The following THSD4 variants were observed in gnomAD, a reference collection of about 807,000 sequenced individuals.
THSD4 encodes the protein thrombospondin type-1 domain-containing protein 4.
In THSD4, 69 loss-of-function variants were observed where a neutral mutation model predicts 119.0. The ratio of observed to expected loss-of-function variants is 0.58; its 90% CI spans 0.48 to 0.71. The LOEUF (loss-of-function observed/expected upper bound fraction) is 0.71, where lower values mean the gene tolerates loss of function less well. Ranked by LOEUF, THSD4 falls within the 30% of genes least tolerant of loss-of-function variation. The probability of loss-of-function intolerance (pLI) is 0.00; values close to 1 mark genes in which losing one functional copy is unlikely to be tolerated. For synonymous variants in THSD4, 524 were observed against 540.4 expected (o/e 0.97, Z 0.42); for missense variants, 1,393 against 1,391.1 (o/e 1.00, Z -0.02).
chr15:71,262,499 G>A (rs979458046), intron 6 of THSD4, among the ~76,000 whole-genome samples: 16 of 152,142 alleles, frequency 1.1e-4, no homozygotes, highest in African/African-American at 2.9e-4. Context: ...TCATGCCAAG[G>A]GTAATGGGGC....
intron 7 of THSD4, among the ~76,000 whole-genome samples, chr15:71,553,779 G>T (rs2048970975): frequency 6.6e-6 from 1 of 152,098 alleles, no homozygotes; most frequent in Non-Finnish European, 1.5e-5. Flanking sequence ...TTATCAAAAT[G>T]CTCATATGAG....
intron 4 of THSD4, 63 bp downstream of exon 4, chr15:71,215,462 G>GCCCCTGTCCCTT: frequency 7.0e-7 from 1 of 1,423,242 alleles, no homozygotes; most frequent in Non-Finnish European, 9.3e-7. Context: ...CCCTGTCCCT[G>GCCCCTGTCCCTT]CCCCTGCCTC....
At position 71,326,386 on chromosome 15, in the gene THSD4, AGTG is replaced by A. The variant is rs572035152; in HGVS notation, c.1015+69679_1015+69681del. Among the ~76,000 whole-genome samples, 867 of 151,818 alleles carry A rather than the reference AGTG, an allele frequency of 5.7e-3. 2 individuals are homozygous for A. Among genetic ancestry groups the A allele is most frequent in the Middle Eastern group, 0.01 (3 of 294 alleles). On this transcript the variant is annotated intron_variant, in intron 6 of 17. Coordinates refer to ENST00000261862, the MANE Select transcript of THSD4 (RefSeq NM_024817.3). ...TAGTGGTGGTGATGATAACGGTGAT[AGTG>A]GTGGTGGCCGGGCAGGGTGGCTCAT...
At chr15:71,460,261 A>T (rs925642454) in intron 7 of THSD4, among the ~76,000 whole-genome samples, 3 of 152,034 alleles carry the variant, frequency 2.0e-5, no homozygotes, top group Admixed American at 2.0e-4. Flanking sequence ...ATTCATAAAA[A>T]TATAGGTAGA....
chr15:71,423,854 A>G lies in THSD4; in HGVS notation c.1152+12031A>G, dbSNP rs570070349. On this transcript the variant is annotated intron_variant, in intron 7 of 17. Coordinates refer to ENST00000261862, the MANE Select transcript of THSD4 (RefSeq NM_024817.3). Reference sequence around the variant, plus strand: ...AAGCCTTGCCATAACTCAAGTTCCAACCACTGGGATGGATGAGTGCCCTTT... The same window carrying G: ...AAGCCTTGCCATAACTCAAGTTCCAGCCACTGGGATGGATGAGTGCCCTTT... Among the ~76,000 whole-genome samples the G allele has an allele frequency of 4.6e-5, 7 of 152,246 alleles. No individual in the cohort carries two copies. The South Asian group carries it at 8.3e-4, about 18-fold the overall frequency.
At chr15:71,215,714 G>A (rs987878166) in intron 4 of THSD4, among the ~76,000 whole-genome samples, 2 of 152,204 alleles carry the variant, frequency 1.3e-5, no homozygotes, top group African/African-American at 2.4e-5. Flanking sequence ...GGAGGGGAGT[G>A]CTGTCCGGGT....
chr15:71,608,047 C>A (rs893452311), intron 7 of THSD4, among the ~76,000 whole-genome samples: 1 of 151,776 alleles, frequency 6.6e-6, no homozygotes, highest in African/African-American at 2.4e-5. Flanking sequence ...CGTGGTGAAA[C>A]CCTGTCTCTA....
intron 2 of THSD4, among the ~76,000 whole-genome samples, chr15:71,146,396 G>A (rs542352266): frequency 6.6e-6 from 1 of 150,420 alleles, no homozygotes; most frequent in East Asian, 2.0e-4. Flanking sequence ...TATTATTTTT[G>A]CCCCTAATCA....
At chr15:71,158,353 A>G (rs2043220530) in intron 3 of THSD4, among the ~76,000 whole-genome samples, 1 of 151,934 alleles carries the variant, frequency 6.6e-6, no homozygotes, top group South Asian at 2.1e-4. Flanking sequence ...GGGTTTCTCC[A>G]TGTTGATCAG....
intron 6 of THSD4, among the ~76,000 whole-genome samples, chr15:71,365,131 TTGTGTGTGTGTGTGTGTGTG>T (rs10690804): frequency 7.4e-6 from 1 of 135,824 alleles, no homozygotes; most frequent in Non-Finnish European, 1.6e-5. Context: ...GCCCCCCCCA[TTGTGTGTGTGTGTGTGTGTG>T]TGTGTGTGTG....
At chr15:71,458,772 T>C (rs1299179790) in intron 7 of THSD4, among the ~76,000 whole-genome samples, 1 of 152,222 alleles carries the variant, frequency 6.6e-6, no homozygotes, top group Non-Finnish European at 1.5e-5. Context: ...TTAGATGTTA[T>C]TGGAGAAAGC....
Position 71,716,693 on chromosome 15 carries a change from G to A in THSD4, c.1358-11856G>A, listed in dbSNP as rs182605752. 3.6e-3 allele frequency among the ~76,000 whole-genome samples: 546 copies of A among 151,806 alleles called. 3 individuals carry two copies. The highest frequency in any genetic ancestry group is 0.013 in the African/African-American group (529 of 41,412). On this transcript the variant is annotated intron_variant, in intron 8 of 17. Transcript: ENST00000261862. ...GTGGGCTGTTATCCTGCCCAGCCAC[G>A]GTGCACACCTGACCGCACACTATCA...
At position 71,215,267 on chromosome 15, in the gene THSD4, C is replaced by T. The variant is rs1344055135; in HGVS notation, c.332C>T (p.Ser111Leu). Residue 111 changes from serine (S) to leucine (L), a missense_variant, in exon 4 of 18, where the codon TCG (serine) becomes TTG (leucine). Transcript: ENST00000261862. Reference sequence around the variant, plus strand: ...CACGTGGTGTCGGCGGTGCGCACGTCGGTGCCACTGCACCGGAGCCGCGAC... The same window carrying T: ...CACGTGGTGTCGGCGGTGCGCACGTTGGTGCCACTGCACCGGAGCCGCGAC... ...ADHVVSAVRTSVPLHRSRDET... is the reference protein window; with the variant it reads ...ADHVVSAVRTLVPLHRSRDET... 18 of 1,508,322 alleles carry T rather than the reference C, an allele frequency of 1.2e-5. No individual in the cohort carries two copies. The highest frequency in any genetic ancestry group is 4.9e-5 in the South Asian group (4 of 82,112). 93.4% of individuals were successfully genotyped at this position (1,508,322 alleles called of 1,614,324 possible).
At chr15:71,345,620 T>C (rs2045645141) in intron 6 of THSD4, among the ~76,000 whole-genome samples, 1 of 152,056 alleles carries the variant, frequency 6.6e-6, no homozygotes, top group Non-Finnish European at 1.5e-5. Context: ...ATTTGCAAAA[T>C]AATTGTGACA....
At chr15:71,456,089 C>T (rs1394813724) in intron 7 of THSD4, among the ~76,000 whole-genome samples, 7 of 152,154 alleles carry the variant, frequency 4.6e-5, no homozygotes, top group South Asian at 2.1e-4. Flanking sequence ...AGTTATTTTG[C>T]GGTGTTTGCT....
rs551259348 is a variant in THSD4, at chr15:71,173,480, A to C, written c.99+18548A>C. Among the ~76,000 whole-genome samples the C allele has an allele frequency of 7.9e-5, 12 of 151,936 alleles. No individual in the cohort carries two copies. The East Asian group carries it at 2.1e-3, about 27-fold the overall frequency. On this transcript the variant is annotated intron_variant, in intron 3 of 17. Transcript: ENST00000261862. ...CCTATGGATTCAATGCAATTCCTAT[A>C]AAAATCCCAGTTGTTATTGGTGTAA... is the stretch of plus-strand genomic sequence containing the variant.
chr15:71,620,827 C>G (rs376550484), intron 7 of THSD4, among the ~76,000 whole-genome samples: 11 of 152,078 alleles, frequency 7.2e-5, no homozygotes, highest in African/African-American at 2.7e-4. Context: ...CATGTCTTAA[C>G]TCTCAGGTGG....
At position 71,630,316 on chromosome 15, in the gene THSD4, G is replaced by A. The variant is rs568917202; in HGVS notation, c.1153-30214G>A. ...CAGAGCTCTGCTCTGTCTCGTCACG[G>A]CACTGCCTTTGATCTTTAATTTGAG... On this transcript the variant is annotated intron_variant, in intron 7 of 17. Transcript: ENST00000261862. Among the ~76,000 whole-genome samples, 269 of 152,240 alleles carry A rather than the reference G, an allele frequency of 1.8e-3. 2 individuals are homozygous for A. The highest frequency in any genetic ancestry group is 5.9e-3 in the African/African-American group (244 of 41,528).
chr15:71,486,107 T>A (rs907453127), intron 7 of THSD4, among the ~76,000 whole-genome samples: 2 of 152,152 alleles, frequency 1.3e-5, no homozygotes, highest in Non-Finnish European at 2.9e-5. Flanking sequence ...TATTGCAGGA[T>A]ATAACATTCA....
Sources: allele counts gnomAD v4.1 joint callset (sites outside exome capture counted in the v4.1 genomes callset), GRCh38; gene constraint gnomAD v4.1.1; transcripts MANE v1.5; gene names NCBI Gene and HGNC (gene_info 2026-07-23, HGNC 2026-07-21).